The following DENND4C variants were observed in gnomAD, a reference collection of about 807,000 sequenced individuals.
The protein encoded by DENND4C is DENN domain containing 4C.
A neutral mutation model predicts 203.0 loss-of-function variants in DENND4C; 108 were observed. The observed-to-expected ratio is 0.53, with a 90% confidence interval of 0.46 to 0.62. DENND4C has a LOEUF of 0.62. DENND4C is among the 20% of genes least tolerant of loss of function. The probability of loss-of-function intolerance (pLI) is 0.00; values close to 1 mark genes in which losing one functional copy is unlikely to be tolerated. For missense variants in DENND4C, 2,481 were observed against 2,301.2 expected, an observed-to-expected ratio of 1.08 and a Z score of -1.60; for synonymous variants, 871 against 792.4, an observed-to-expected ratio of 1.10 and a Z score of -1.67.
At position 19,346,176 on chromosome 9, in the gene DENND4C, C is replaced by G. The variant is rs780737941; in HGVS notation, c.3407C>G (p.Pro1136Arg). The change falls in exon 23 of 33, where the codon CCT becomes CGT. Residue 1136 changes from proline (P) to arginine (R), a missense_variant. Coordinates refer to ENST00000434457, the MANE Select transcript of DENND4C (RefSeq NM_001330640.2). ...ATTCTCACAGCAGCATTGACATGTC[C>G]TAAGACTTCTCTACTTCATATTGCA... ...AKILTAALTCPKTSLLHIART... is the reference protein window; with the variant it reads ...AKILTAALTCRKTSLLHIART... The G allele has an allele frequency of 1.2e-6, 2 of 1,614,074 alleles. No homozygotes were observed. Among genetic ancestry groups the G allele is most frequent in the Non-Finnish European group, 1.7e-6 (2 of 1,180,040 alleles).
intron 13 of DENND4C, 63 bp from the exon 14 acceptor site, chr9:19,325,876 T>C: frequency 6.7e-7 from 1 of 1,495,016 alleles, no homozygotes. Context: ...GAATGTAAGA[T>C]AAAAATGTCT....
At chr9:19,257,210 G>T (rs887370789) in intron 1 of DENND4C, among the ~76,000 whole-genome samples, 50 of 151,842 alleles carry the variant, frequency 3.3e-4, no homozygotes, top group African/African-American at 1.1e-3. Flanking sequence ...TAAAAAGAAG[G>T]CCGGGTGCGG....
At chr9:19,261,046 G>A (rs1452396822) in intron 1 of DENND4C, among the ~76,000 whole-genome samples, 1 of 152,130 alleles carries the variant, frequency 6.6e-6, no homozygotes, top group Non-Finnish European at 1.5e-5. Context: ...TATATGGTGA[G>A]AAATAGGGAT....
intron 1 of DENND4C, among the ~76,000 whole-genome samples, chr9:19,240,921 C>A (rs925337896): frequency 1.3e-5 from 2 of 152,172 alleles, no homozygotes; most frequent in Non-Finnish European, 2.9e-5. Context: ...CGAGATCACG[C>A]CACTGCACTC....
At position 19,282,715 on chromosome 9, in the gene DENND4C, C is replaced by CTCT. The variant is rs758751945; in HGVS notation, c.306-4053_306-4052insCTT. Among the ~76,000 whole-genome samples, 204 of 86,672 alleles carry CTCT rather than the reference C, an allele frequency of 2.4e-3. 1 individual carries two copies. Among genetic ancestry groups the CTCT allele is most frequent in the South Asian group, 7.3e-3 (14 of 1,926 alleles). 56.9% of individuals were successfully genotyped at this position (86,672 alleles called of 152,430 possible). On this transcript the variant is annotated intron_variant, in intron 2 of 32. Transcript: ENST00000434457. The stretch of plus-strand genomic sequence containing the variant: ...TTTTCTTTTTCTTTTTTTCTTCTCT[C>CTCT]TTTTTTTTTTTTTTTTTTTGAGACA...
At chr9:19,277,761 TTTACTA>T (rs1307668788) in intron 2 of DENND4C, among the ~76,000 whole-genome samples, 2 of 152,206 alleles carry the variant, frequency 1.3e-5, no homozygotes, top group Admixed American at 1.3e-4. Flanking sequence ...CTTTCAGTCT[TTTACTA>T]TTGAGTATGA....
rs771151672 is a variant in DENND4C, at chr9:19,290,910, G to C, written c.801+34G>C. On this transcript the variant is annotated intron_variant, in intron 5 of 32. Coordinates refer to ENST00000434457, the MANE Select transcript of DENND4C (RefSeq NM_001330640.2). ...TTGTCTCATTGATTAAACACATTTT[G>C]TCCATGTTTTTATTTCATAAAAAGG... 5 of 1,575,686 alleles carry C rather than the reference G, an allele frequency of 3.2e-6. No individual in the cohort carries two copies. In the African/African-American group the frequency reaches 6.8e-5, roughly 21 times the overall value.
intron 1 of DENND4C, among the ~76,000 whole-genome samples, chr9:19,269,912 A>G (rs182879082): frequency 1.2e-4 from 18 of 152,242 alleles, no homozygotes; most frequent in Admixed American, 1.0e-3. Flanking sequence ...AAGCTTTCCA[A>G]GTATTCAAAG....
intron 1 of DENND4C, among the ~76,000 whole-genome samples, chr9:19,270,511 A>G (rs1269787502): frequency 6.6e-6 from 1 of 152,188 alleles, no homozygotes; most frequent in African/African-American, 2.4e-5. Context: ...TCTATTTTGT[A>G]ACATAGGTTG....
At chr9:19,334,939 T>C (rs571678960) in intron 17 of DENND4C, 38 bp from the exon 18 acceptor site, 1 of 1,549,494 alleles carries the variant, frequency 6.5e-7, no homozygotes, top group East Asian at 2.3e-5. Flanking sequence ...GATAGATTAG[T>C]ATACTAATTA....
chr9:19,345,240 C>G (rs1822594512), intron 22 of DENND4C, among the ~76,000 whole-genome samples: 1 of 152,196 alleles, frequency 6.6e-6, no homozygotes, highest in African/African-American at 2.4e-5. Context: ...CTGGGGGAAG[C>G]TGCTATGGCC....
At position 19,247,288 on chromosome 9, in the gene DENND4C, A is replaced by T. The variant is rs181386937; in HGVS notation, c.-18+16455A>T. 2.0e-4 allele frequency among the ~76,000 whole-genome samples: 30 copies of T among 152,260 alleles called. No homozygotes were observed. The East Asian group carries it at 4.4e-3, about 23-fold the overall frequency. On this transcript the variant is annotated intron_variant, in intron 1 of 32. Coordinates refer to ENST00000434457, the MANE Select transcript of DENND4C (RefSeq NM_001330640.2). ...AGTATTCGTCAGTTAGTATTTGACA[A>T]TTCTTTGAGTATCTTATCTAATGCT...
intron 31 of DENND4C, 151 bp from the exon 32 acceptor site, chr9:19,371,605 T>A: frequency 2.1e-6 from 1 of 475,674 alleles, no homozygotes; most frequent in East Asian, 4.3e-5. Flanking sequence ...CTCATATAAC[T>A]AACTGTAATG....
At chr9:19,365,554 GA>G (rs1270943152) in intron 30 of DENND4C, among the ~76,000 whole-genome samples, 7 of 151,888 alleles carry the variant, frequency 4.6e-5, no homozygotes, top group African/African-American at 1.7e-4. Flanking sequence ...GTCAAGAAAA[GA>G]AAAGGCATCC....
Position 19,256,872 on chromosome 9 carries a change from C to T in DENND4C, c.-17-19286C>T, listed in dbSNP as rs954289965. 1.1e-3 allele frequency among the ~76,000 whole-genome samples: 169 copies of T among 151,684 alleles called. 1 individual carries two copies. Among genetic ancestry groups the T allele is most frequent in the African/African-American group, 4.0e-3 (166 of 41,386 alleles). Reference sequence around the variant, plus strand: ...GATCACGAGGTCTGGAGATCGAGACCATCCTGGCTAACATGGTGAAACCCT... The same window carrying T: ...GATCACGAGGTCTGGAGATCGAGACTATCCTGGCTAACATGGTGAAACCCT... On this transcript the variant is annotated intron_variant, in intron 1 of 32. Coordinates refer to ENST00000434457, the MANE Select transcript of DENND4C (RefSeq NM_001330640.2).
At chr9:19,234,144 A>G (rs377504849) in intron 1 of DENND4C, among the ~76,000 whole-genome samples, 107 of 152,280 alleles carry the variant, frequency 7.0e-4, no homozygotes, top group African/African-American at 2.6e-3. Flanking sequence ...TTAATAGTCC[A>G]AAGTTTTATT....
chr9:19,274,245 G>A (rs1832378199), intron 1 of DENND4C, among the ~76,000 whole-genome samples: 2 of 151,728 alleles, frequency 1.3e-5, no homozygotes, highest in Admixed American at 1.3e-4. Flanking sequence ...TGCCTGAGGA[G>A]GAGAAATAAT....
chr9:19,240,307 C>T (rs564953274), intron 1 of DENND4C, among the ~76,000 whole-genome samples: 1 of 152,200 alleles, frequency 6.6e-6, no homozygotes, highest in East Asian at 1.9e-4. Flanking sequence ...ATACTCTAGG[C>T]AGCTATAGCA....
At chr9:19,347,228 C>T in intron 23 of DENND4C, 142 bp downstream of exon 23, 1 of 790,716 alleles carries the variant, frequency 1.3e-6, no homozygotes, top group Non-Finnish European at 2.0e-6. Context: ...CAACCTCTGC[C>T]TCCCGGCTTT....
Sources: allele counts gnomAD v4.1 joint callset (sites outside exome capture counted in the v4.1 genomes callset), GRCh38; gene constraint gnomAD v4.1.1; transcripts MANE v1.5; gene names NCBI Gene and HGNC (gene_info 2026-07-23, HGNC 2026-07-21).